The following FDFT1 variants were observed in gnomAD, a reference collection of about 807,000 sequenced individuals.
FDFT1 encodes the protein farnesyl-diphosphate farnesyltransferase 1.
A neutral mutation model predicts 46.8 loss-of-function variants in FDFT1; 68 were observed. The observed-to-expected ratio is 1.45, with a 90% CI of 1.19 to 1.78. The LOEUF is 1.78. Ranked by LOEUF, FDFT1 falls within the 40% of genes most tolerant of loss-of-function variation. The pLI is 0.00. For missense variants in FDFT1, 928 were observed against 524.4 expected (o/e 1.77, Z -7.52); for synonymous variants, 351 against 185.1 (o/e 1.90, Z -7.28).
At chr8:11,837,916 T>TAA (rs1368696202) in intron 7 of FDFT1, among the ~76,000 whole-genome samples, 1 of 152,180 alleles carries the variant, frequency 6.6e-6, no homozygotes, top group Non-Finnish European at 1.5e-5. Flanking sequence ...GGGTGGTTCA[T>TAA]ACGGCTCCCT....
chr8:11,826,453 G>C (rs896470253), intron 5 of FDFT1, among the ~76,000 whole-genome samples: 1 of 152,120 alleles, frequency 6.6e-6, no homozygotes. Context: ...TCTTTCAGAC[G>C]GTCTTTCTCC....
intron 3 of FDFT1, among the ~76,000 whole-genome samples, chr8:11,811,449 A>C (rs959484410): frequency 6.6e-6 from 1 of 152,234 alleles, no homozygotes; most frequent in Non-Finnish European, 1.5e-5. Context: ...AGGTATTGCT[A>C]AGTCAAGGCA....
chr8:11,819,475 T>A (rs754339125), intron 3 of FDFT1, among the ~76,000 whole-genome samples: 4 of 152,190 alleles, frequency 2.6e-5, no homozygotes, highest in Non-Finnish European at 5.9e-5. Flanking sequence ...TCTATCACTT[T>A]CAGGTACAAC....
At chr8:11,834,638 C>T (rs1811293301) in intron 7 of FDFT1, among the ~76,000 whole-genome samples, 3 of 152,150 alleles carry the variant, frequency 2.0e-5, no homozygotes, top group African/African-American at 4.8e-5. Flanking sequence ...GATGTTTTTG[C>T]TTTAATGGAA....
chr8:11,831,137 A>G (rs1370000843), intron 6 of FDFT1, among the ~76,000 whole-genome samples: 1 of 152,214 alleles, frequency 6.6e-6, no homozygotes, highest in East Asian at 1.9e-4. Context: ...TGTAGGAAAA[A>G]TAGAAAAACA....
Position 11,808,728 on chromosome 8 carries a change from TCCC to T in FDFT1, c.100-65_100-63del, listed in dbSNP as rs1807255150. 4.5e-6 allele frequency: 7 copies of T among 1,570,914 alleles called. No individual in the cohort carries two copies. In the East Asian group the frequency reaches 7.0e-5, roughly 16 times the overall value. ...GCCCCAGTCCCACTCCCACTCCCAC[TCCC>T]ACTCCCACTCCCACTCCTGCTCCTC... is the stretch of plus-strand genomic sequence containing the variant. On this transcript the variant is annotated intron_variant, in intron 1 of 7. Coordinates refer to ENST00000220584, the MANE Select transcript of FDFT1 (RefSeq NM_004462.5).
At position 11,838,623 on chromosome 8, in the gene FDFT1, C is replaced by A; in HGVS notation, c.*14C>A. On this transcript the variant is annotated 3_prime_UTR_variant, in exon 8 of 8. Transcript: ENST00000220584. ...GGAGAACACTGATCCCAAATTTGTCCATAGCTGAAGTCCACCATAAAGTGG... is the reference window on the plus strand; with the variant it reads ...GGAGAACACTGATCCCAAATTTGTCAATAGCTGAAGTCCACCATAAAGTGG... 6.3e-7 allele frequency: 1 copy of A among 1,585,722 alleles called. No homozygotes were observed. Among genetic ancestry groups the A allele is most frequent in the African/African-American group, 1.3e-5 (1 of 74,416 alleles).
rs755611965 is a variant in FDFT1 at position 11,835,971 on chromosome 8, T to TAAAAAAAAA, written c.1033-2401_1033-2393dup. Among the ~76,000 whole-genome samples the TAAAAAAAAA allele has an allele frequency of 1.5e-3, 100 of 64,564 alleles. 6 individuals are homozygous for TAAAAAAAAA. The highest frequency in any genetic ancestry group is 6.2e-3 in the East Asian group (7 of 1,136). 42.4% of individuals were successfully genotyped at this position (64,564 alleles called of 152,430 possible). The stretch of plus-strand genomic sequence containing the variant: ...TTATGTGATGAAACCCTGTCTCTAC[T>TAAAAAAAAA]AAAAAAAAAAAAAAAAAAAAAAAAT... On this transcript the variant is annotated intron_variant, in intron 7 of 7. Transcript: ENST00000220584.
rs748377449 is a variant in FDFT1, at chr8:11,802,794, G to C, written c.-39G>C. On this transcript the variant is annotated 5_prime_UTR_variant, in exon 1 of 8. Coordinates refer to ENST00000220584, the MANE Select transcript of FDFT1 (RefSeq NM_004462.5). Reference sequence around the variant, plus strand: ...CCGGTGAGCGCCTGGGGACCGCAGAGGTGAGAGTCGCGCCCGGGAGTCCGC... The same window carrying C: ...CCGGTGAGCGCCTGGGGACCGCAGACGTGAGAGTCGCGCCCGGGAGTCCGC... The C allele has an allele frequency of 1.3e-6, 2 of 1,524,106 alleles. No homozygotes were observed. The highest frequency in any genetic ancestry group is 2.7e-5 in the African/African-American group (2 of 72,988). 94.4% of individuals were successfully genotyped at this position (1,524,106 alleles called of 1,614,324 possible).
intron 3 of FDFT1, among the ~76,000 whole-genome samples, chr8:11,810,508 T>C (rs867311067): frequency 1.7e-4 from 26 of 152,224 alleles, no homozygotes; most frequent in African/African-American, 5.1e-4. Context: ...GCTGAGAGGA[T>C]TAATTTCGCA....
chr8:11,818,022 A>G (rs75793235), intron 3 of FDFT1, among the ~76,000 whole-genome samples: 1 of 151,992 alleles, frequency 6.6e-6, no homozygotes, highest in Non-Finnish European at 1.5e-5. Context: ...CCCTCTACAC[A>G]CTGCTTTAAA....
intron 1 of FDFT1, chr8:11,808,257 T>A: frequency 8.3e-7 from 1 of 1,208,830 alleles, no homozygotes; most frequent in Non-Finnish European, 1.0e-6. Flanking sequence ...ACTCTGTCAC[T>A]GGGAGGACGA....
rs371833870 is a variant in FDFT1 at position 11,838,350 on chromosome 8, C to T, written c.1033-38C>T. 1.0e-5 allele frequency: 15 copies of T among 1,487,824 alleles called. No homozygotes were observed. The East Asian group carries it at 3.2e-4, about 31-fold the overall frequency. 92.2% of individuals were successfully genotyped at this position (1,487,824 alleles called of 1,614,324 possible). A position where few individuals can be genotyped will look rare whatever the true frequency, so the allele number is the denominator to read the frequency against. ...GTAAGTAGCCATGGAAAATGTAAAG[C>T]ACATAGCACTTATCATTTTTTCCTG... On this transcript the variant is annotated intron_variant, in intron 7 of 7. Coordinates refer to ENST00000220584, the MANE Select transcript of FDFT1 (RefSeq NM_004462.5).
At chr8:11,812,863 G>C (rs181818286) in intron 3 of FDFT1, among the ~76,000 whole-genome samples, 1 of 152,348 alleles carries the variant, frequency 6.6e-6, no homozygotes, top group African/African-American at 2.4e-5. Flanking sequence ...CTCATTGTAT[G>C]TTAGGGGTTC....
At chr8:11,799,978 C>T (rs534974677), upstream of FDFT1, among the ~76,000 whole-genome samples, 16 of 142,590 alleles carry the variant, frequency 1.1e-4, no homozygotes, top group African/African-American at 3.4e-4. Flanking sequence ...AAATAGCACT[C>T]GAAGGCTGGG....
At chr8:11,796,611 G>A (rs1368238135) in intron 1 of FDFT1, among the ~76,000 whole-genome samples, 1 of 152,190 alleles carries the variant, frequency 6.6e-6, no homozygotes, top group Non-Finnish European at 1.5e-5. Context: ...TGCTCTGATT[G>A]GAGGCTTCTG....
At chr8:11,830,213 G>A in intron 5 of FDFT1, 31 bp from the exon 6 acceptor site, 1 of 1,568,126 alleles carries the variant, frequency 6.4e-7, no homozygotes, top group Non-Finnish European at 8.8e-7. Flanking sequence ...TGCACACGCT[G>A]ACCTGTTCCT....
intron 3 of FDFT1, among the ~76,000 whole-genome samples, chr8:11,814,264 T>C (rs759246456): frequency 2.0e-4 from 30 of 152,116 alleles, no homozygotes; most frequent in Non-Finnish European, 4.1e-4. Context: ...GAAAAACTTT[T>C]TGGAAAGTTC....
At chr8:11,822,895 G>T (rs1051772776) in intron 4 of FDFT1, among the ~76,000 whole-genome samples, 1 of 152,192 alleles carries the variant, frequency 6.6e-6, no homozygotes, top group Non-Finnish European at 1.5e-5. Flanking sequence ...CTGTTGTGCA[G>T]ATTTATTCAG....
Sources: gnomAD v4.1 joint callset for allele counts (sites outside exome capture counted in the v4.1 genomes callset) on GRCh38, gnomAD v4.1.1 for gene constraint, MANE v1.5 for transcripts, NCBI Gene and HGNC (gene_info 2026-07-23, HGNC 2026-07-21) for gene names.